SCARF1: variants seen among roughly 807,000 people sequenced by gnomAD.
The protein encoded by SCARF1 is acetyl LDL receptor.
SCARF1 carries 49 observed loss-of-function variants against 76.3 expected under a neutral mutation model. The ratio of observed to expected loss-of-function variants is 0.64; its 90% CI spans 0.51 to 0.81. SCARF1 has a LOEUF of 0.81. Ranked by LOEUF, SCARF1 falls within the 40% of genes least tolerant of loss-of-function variation. SCARF1 has a pLI of 0.00. For missense variants in SCARF1, 1,098 were observed against 1,143.9 expected (o/e 0.96, Z 0.58); for synonymous variants, 495 against 474.6 (o/e 1.04, Z -0.56).
chr17:1,644,956 G>A lies in SCARF1; in HGVS notation c.164-21C>T, dbSNP rs761020117. On this transcript the variant is annotated intron_variant, in intron 2 of 10. Coordinates refer to ENST00000263071, the MANE Select transcript of SCARF1 (RefSeq NM_003693.4). The surrounding 1 kb of genome is among the most constrained non-coding windows in gnomAD (Gnocchi z 4.8). ...GATGGCTGAAAGACACCCCACCCAG[G>A]TTGGAAAGACGGGAGCAGGACCAGG... 1 of 1,609,840 alleles carries A rather than the reference G, an allele frequency of 6.2e-7. No individual in the cohort carries two copies. The highest frequency in any genetic ancestry group is 1.1e-5 in the South Asian group (1 of 90,580).
chr17:1,643,389 C>G (rs1183554549), intron 4 of SCARF1, 53 bp downstream of exon 4: 4 of 997,758 alleles, frequency 4.0e-6, no homozygotes, highest in Non-Finnish European at 3.8e-6. Context: ...CGCCTGCTCA[C>G]TTGTGTCCGC....
Position 1,634,827 on chromosome 17 carries a change from A to T in SCARF1, c.2424T>A (p.Ala808=), listed in dbSNP as rs1909383659. The T allele has an allele frequency of 1.9e-6, 3 of 1,613,060 alleles. No homozygotes were observed. The highest frequency in any genetic ancestry group is 2.5e-6 in the Non-Finnish European group (3 of 1,179,672). ...CAGGTTCCTCCTGCCTTTCCTCTTC[A>T]GCCTGCTTCTGGGGATCCTGTTCTG... is the stretch of plus-strand genomic sequence containing the variant. ...GSPEQDPQKQ[A]EEERQEEPEY... The change falls in exon 11 of 11, where the codon GCT becomes GCA. Residue 808 remains alanine (A), a synonymous_variant. Coordinates refer to ENST00000263071, the MANE Select transcript of SCARF1 (RefSeq NM_003693.4).
In SCARF1 at chr17:1,638,408, G is replaced by A. The variant is rs533468116; in HGVS notation, c.1364+398C>T. ...CCAGAGCCGGGCTGCTCCTTCCGTG[G>A]TCCCAGCCCTCCTCCTCTGGTCCCC... On this transcript the variant is annotated intron_variant, in intron 8 of 10. Transcript: ENST00000263071. The A allele has an allele frequency of 8.1e-5, 13 of 160,446 alleles. No individual in the cohort carries two copies. In the South Asian group the frequency reaches 2.6e-3, roughly 32 times the overall value. 9.9% of individuals were successfully genotyped at this position (160,446 alleles called of 1,614,324 possible). A position where few individuals can be genotyped will look rare whatever the true frequency, so the allele number is the denominator to read the frequency against.
In SCARF1 at chr17:1,635,390, G is replaced by A. The variant is rs1909462998; in HGVS notation, c.1861C>T (p.Arg621Trp). ...SPLRKPKRLS[R>W]GAQSGPEGRE... is the part of the protein sequence containing the mutation. ...CCCTCAGGACCCGACTGCGCCCCCC[G>A]GGAGAGCCTCTTGGGCTTTCGGAGC... Residue 621 changes from arginine (R) to tryptophan (W), a missense_variant, in exon 11 of 11, where the codon CGG (arginine) becomes TGG (tryptophan). Coordinates refer to ENST00000263071, the MANE Select transcript of SCARF1 (RefSeq NM_003693.4). 7.4e-6 allele frequency: 12 copies of A among 1,613,472 alleles called. No individual in the cohort carries two copies. Among genetic ancestry groups the A allele is most frequent in the Admixed American group, 3.3e-5 (2 of 59,986 alleles).
chr17:1,638,703 G>A (rs767682553), intron 8 of SCARF1, 103 bp downstream of exon 8: 13 of 1,362,704 alleles, frequency 9.5e-6, no homozygotes, highest in Non-Finnish European at 1.2e-5. Flanking sequence ...TGACCCACGT[G>A]GGCAACAAGG....
At position 1,640,559 on chromosome 17, in the gene SCARF1, C is replaced by T. The variant is rs1424726202; in HGVS notation, c.899G>A (p.Gly300Asp). ...CTGTTCGCAGCTCTCGCCAAAGGTG[C>T]CAGGCAGGCAGGGCTGCTGGCACTG... is the stretch of plus-strand genomic sequence containing the variant. The part of the protein sequence containing the change: ...GTQCQQPCLP[G>D]TFGESCEQQC... The change falls in exon 5 of 11, where the codon GGC becomes GAC. Residue 300 changes from glycine (G) to aspartate (D), a missense_variant. Transcript: ENST00000263071. The surrounding 1 kb of genome is among the most constrained non-coding windows in gnomAD (Gnocchi z 4.7). 1 of 1,609,730 alleles carries T rather than the reference C, an allele frequency of 6.2e-7. No individual in the cohort carries two copies. The highest frequency in any genetic ancestry group is 8.5e-7 in the Non-Finnish European group (1 of 1,178,458).
Position 1,639,985 on chromosome 17 carries a change from G to C in SCARF1, c.1066C>G (p.Pro356Ala). ...TCACAGGACCCCTGAACACAGGTGG[G>C]GCAGGTAGAGCCACAGTCTTCCCCA... is the stretch of plus-strand genomic sequence containing the variant. ...TFGEDCGSTC[P>A]TCVQGSCDTV... The change falls in exon 6 of 11, where the codon CCC becomes GCC. Residue 356 changes from proline (P) to alanine (A), a missense_variant. By Grantham distance (27) the Pro-to-Ala change is conservative (BLOSUM62 -1). Coordinates refer to ENST00000263071, the MANE Select transcript of SCARF1 (RefSeq NM_003693.4). 1 of 1,613,992 alleles carries C rather than the reference G, an allele frequency of 6.2e-7. No homozygotes were observed. Among genetic ancestry groups the C allele is most frequent in the East Asian group, 2.2e-5 (1 of 44,878 alleles).
chr17:1,642,516 A>G (rs1431025696), intron 4 of SCARF1, among the ~76,000 whole-genome samples: 3 of 151,910 alleles, frequency 2.0e-5, no homozygotes, highest in Non-Finnish European at 4.4e-5. Context: ...ACATGAACTC[A>G]TCATTTTTTA....
In SCARF1 at chr17:1,639,942, C is replaced by G; in HGVS notation, c.1109G>C (p.Cys370Ser). 1.2e-6 allele frequency: 2 copies of G among 1,614,056 alleles called. No individual in the cohort carries two copies. The highest frequency in any genetic ancestry group is 1.6e-4 in the Middle Eastern group (1 of 6,062). ...QGSCDTVTGD[C>S]VCSAGYWGPS... ...CCCCCAGTAGCCGGCACTGCAGACA[C>G]AGTCCCCTGTCACAGTATCACAGGA... The change falls in exon 6 of 11, where the codon TGT becomes TCT. Residue 370 changes from cysteine (C) to serine (S), a missense_variant. Transcript: ENST00000263071.
chr17:1,643,646 C>A lies in SCARF1; in HGVS notation c.587G>T (p.Cys196Phe), dbSNP rs1438004041. Residue 196 changes from cysteine (C) to phenylalanine (F), a missense_variant, in exon 4 of 11, where the codon TGC becomes TTC. By Grantham distance (205) the Cys-to-Phe change is radical. Transcript: ENST00000263071. ...WGRRCSFRCN[C>F]HGSPCEQDSG... ...GTCCTGCTCGCACGGGGAGCCGTGG[C>A]AGTTGCAGCGGAAGCTGCAGCGGCG... 17 of 1,472,912 alleles carry A rather than the reference C, an allele frequency of 1.2e-5. No homozygotes were observed. The Admixed American group carries it at 1.2e-4, about 10-fold the overall frequency. 91.2% of individuals were successfully genotyped at this position (1,472,912 alleles called of 1,614,324 possible).
chr17:1,634,441 G>A lies in SCARF1; in HGVS notation c.*317C>T, dbSNP rs570440457. 35 of 398,520 alleles carry A rather than the reference G, an allele frequency of 8.8e-5. No homozygotes were observed. Among genetic ancestry groups the A allele is most frequent in the African/African-American group, 7.0e-4 (34 of 48,714 alleles). The allele number at this position is 398,520 out of a possible 1,614,324, so 24.7% of individuals were successfully genotyped here. ...CAATCTTTTATCAGCAAACATGTAG[G>A]TTGTTTGCTATTTCAGAAAAATGTT... On this transcript the variant is annotated 3_prime_UTR_variant, in exon 11 of 11. Transcript: ENST00000263071.
Position 1,645,295 on chromosome 17 carries a change from G to A in SCARF1, c.102-56C>T, listed in dbSNP as rs961836511. 4.4e-6 allele frequency: 7 copies of A among 1,595,510 alleles called. No individual in the cohort carries two copies. In the Admixed American group the frequency reaches 6.8e-5, roughly 15 times the overall value. On this transcript the variant is annotated intron_variant, in intron 1 of 10. Coordinates refer to ENST00000263071, the MANE Select transcript of SCARF1 (RefSeq NM_003693.4). This position sits in a 1 kb window ranked among gnomAD's most constrained non-coding sequence, Gnocchi z 6.3. The stretch of plus-strand genomic sequence containing the variant: ...GGTGGGGGGTGCAGCCTGGCCCTGA[G>A]GAAGGTGGATCACTGTCTCTGGCTG...
Position 1,645,724 on chromosome 17 carries a change from G to C in SCARF1, c.-27C>G. 6.4e-7 allele frequency: 1 copy of C among 1,567,308 alleles called. No individual in the cohort carries two copies. Among genetic ancestry groups the C allele is most frequent in the South Asian group, 1.2e-5 (1 of 86,604 alleles). On this transcript the variant is annotated 5_prime_UTR_variant, in exon 1 of 11. Transcript: ENST00000263071. This position sits in a 1 kb window ranked among gnomAD's most constrained non-coding sequence, Gnocchi z 6.3. ...GCAGGCAGCTCGGTGGGAGCGCTCG[G>C]GTTCGTCTGGCCCCCACAGCTCCCA...
intron 7 of SCARF1, among the ~76,000 whole-genome samples, chr17:1,639,277 G>A (rs924274477): frequency 2.0e-5 from 3 of 152,180 alleles, no homozygotes; most frequent in Non-Finnish European, 2.9e-5. Flanking sequence ...AGGCCGAGGT[G>A]GGCAGATCAC....
chr17:1,641,638 C>T (rs1006386608), intron 4 of SCARF1, among the ~76,000 whole-genome samples: 14 of 152,182 alleles, frequency 9.2e-5, no homozygotes, highest in Non-Finnish European at 1.6e-4. Flanking sequence ...ATACTTGGGT[C>T]AGACCCATTA....
In SCARF1 at chr17:1,635,248, C is replaced by T. The variant is rs781426380; in HGVS notation, c.2003G>A (p.Arg668Gln). ...TGHRRPPLGG[R>Q]TVAEHVEAIE... is the part of the protein sequence containing the mutation. ...GGCTTCCACGTGCTCAGCCACTGTC[C>T]GGCCACCAAGTGGGGGCCGCCGGTG... The change falls in exon 11 of 11, where the codon CGG (arginine) becomes CAG (glutamine). Residue 668 changes from arginine to glutamine, a missense_variant. Transcript: ENST00000263071. 31 of 1,611,660 alleles carry T rather than the reference C, an allele frequency of 1.9e-5. No individual in the cohort carries two copies. The highest frequency in any genetic ancestry group is 4.0e-5 in the African/African-American group (3 of 74,920).
At position 1,644,526 on chromosome 17, in the gene SCARF1, A is replaced by C; in HGVS notation, c.265+308T>G. 4 of 512,848 alleles carry C rather than the reference A, an allele frequency of 7.8e-6. No individual in the cohort carries two copies. Among genetic ancestry groups the C allele is most frequent in the Non-Finnish European group, 1.4e-5 (4 of 283,590 alleles). The allele number at this position is 512,848 out of a possible 1,614,324, so 31.8% of individuals were successfully genotyped here. The stretch of plus-strand genomic sequence containing the variant: ...TCCATCCACTGCCCATGTATAAGGT[A>C]TATGTGGGAAAGGCAAGTAATACAC... On this transcript the variant is annotated intron_variant, in intron 3 of 10. Coordinates refer to ENST00000263071, the MANE Select transcript of SCARF1 (RefSeq NM_003693.4). This position sits in a 1 kb window ranked among gnomAD's most constrained non-coding sequence, Gnocchi z 4.8.
rs537997043 is a variant in SCARF1, at chr17:1,644,696, C to T, written c.265+138G>A. The T allele has an allele frequency of 2.1e-3, 1,664 of 803,266 alleles. 10 individuals are homozygous for T. The highest frequency in any genetic ancestry group is 2.3e-3 in the Non-Finnish European group (1,174 of 499,576). 49.8% of individuals were successfully genotyped at this position (803,266 alleles called of 1,614,324 possible). A position where few individuals can be genotyped will look rare whatever the true frequency, so the allele number is the denominator to read the frequency against. ...TGTGTGTCACTTCCTGTCTCTGGAC[C>T]GCAATTCCTCAGTGAAGCTGGGGGG... On this transcript the variant is annotated intron_variant, in intron 3 of 10. Coordinates refer to ENST00000263071, the MANE Select transcript of SCARF1 (RefSeq NM_003693.4). This position sits in a 1 kb window ranked among gnomAD's most constrained non-coding sequence, Gnocchi z 4.8.
intron 4 of SCARF1, among the ~76,000 whole-genome samples, chr17:1,641,560 T>C (rs896452090): frequency 6.6e-6 from 1 of 152,224 alleles, no homozygotes; most frequent in African/African-American, 2.4e-5. Context: ...TGCCATATCT[T>C]AATTTCCCAT....
Sources: allele counts gnomAD v4.1 joint callset (sites outside exome capture counted in the v4.1 genomes callset), GRCh38; gene constraint gnomAD v4.1.1; non-coding constraint Gnocchi (gnomAD v3.1); transcripts MANE v1.5; gene names NCBI Gene and HGNC (gene_info 2026-07-23, HGNC 2026-07-21).